The following CEACAM5 variants were observed in gnomAD, a reference collection of about 807,000 sequenced individuals.
The protein encoded by CEACAM5 is cell adhesion molecule CEACAM5.
CEACAM5 carries 52 observed loss-of-function variants against 63.0 expected under a neutral mutation model. The ratio of observed to expected loss-of-function variants is 0.83; its 90% confidence interval spans 0.66 to 1.04. The LOEUF (loss-of-function observed/expected upper bound fraction) is 1.04. CEACAM5 is among the 50% of genes least tolerant of loss of function. CEACAM5 has a pLI of 0.00. For missense variants in CEACAM5, 790 were observed against 864.8 expected (o/e 0.91, Z 1.08); for synonymous variants, 357 against 351.3 (o/e 1.02, Z -0.18).
chr19:41,712,139 A>G (rs929032000), intron 2 of CEACAM5, among the ~76,000 whole-genome samples: 13 of 152,132 alleles, frequency 8.5e-5, no homozygotes, highest in Non-Finnish European at 1.9e-4. Context: ...GCAGTCCCCA[A>G]AGCCCGCATG....
chr19:41,717,062 T>C (rs16975545), intron 4 of CEACAM5, among the ~76,000 whole-genome samples: 2,402 of 152,276 alleles, frequency 0.016, 64 homozygotes, highest in African/African-American at 0.054. Context: ...CAAACACAAC[T>C]TGGCTGGGTG....
intron 2 of CEACAM5, among the ~76,000 whole-genome samples, chr19:41,712,361 C>A (rs528189408): frequency 3.5e-4 from 53 of 152,330 alleles, no homozygotes; most frequent in African/African-American, 1.2e-3. Context: ...CAGCCACTGG[C>A]GTCTCACTTA....
Position 41,717,782 on chromosome 19 carries a change from C to T in CEACAM5, c.1237+49C>T, listed in dbSNP as rs181253212. The T allele has an allele frequency of 1.1e-4, 177 of 1,598,718 alleles. 2 individuals are homozygous for T. In the Admixed American group the frequency reaches 2.8e-3, roughly 25 times the overall value. On this transcript the variant is annotated intron_variant, in intron 5 of 9. Coordinates refer to ENST00000221992, the MANE Select transcript of CEACAM5 (RefSeq NM_004363.6). ...GGCTCAGGCTGCCAGCCCAAATCCA[C>T]ATAGCCAAAGTCCAGGCCTCTCAGT...
Position 41,718,142 on chromosome 19 carries a change from C to T in CEACAM5, c.1252C>T (p.Pro418Ser), listed in dbSNP as rs1223468320. Residue 418 changes from proline to serine, a missense_variant, in exon 6 of 10, where the codon CCC becomes TCC. Pro to Ser is a moderately conservative substitution (Grantham distance 74, BLOSUM62 -1). Transcript: ENST00000221992. Reference sequence around the variant, plus strand: ...CTTTGCTCCAGATGGCCCAGACGACCCCACCATTTCCCCCTCATACACCTA... The same window carrying T: ...CTTTGCTCCAGATGGCCCAGACGACTCCACCATTTCCCCCTCATACACCTA... ...ILNVLYGPDDPTISPSYTYYR... is the reference protein window; with the variant it reads ...ILNVLYGPDDSTISPSYTYYR... 3 of 1,614,046 alleles carry T rather than the reference C, an allele frequency of 1.9e-6. No individual in the cohort carries two copies. Among genetic ancestry groups the T allele is most frequent in the African/African-American group, 2.7e-5 (2 of 74,904 alleles).
At chr19:41,723,190 G>A (rs569469959) in intron 8 of CEACAM5, among the ~76,000 whole-genome samples, 17 of 152,188 alleles carry the variant, frequency 1.1e-4, no homozygotes, top group African/African-American at 4.1e-4. Flanking sequence ...GGGATTACAG[G>A]CATGAGCCAC....
At chr19:41,713,913 G>T (rs782685484) in intron 2 of CEACAM5, among the ~76,000 whole-genome samples, 5 of 152,164 alleles carry the variant, frequency 3.3e-5, no homozygotes, top group Non-Finnish European at 7.3e-5. Context: ...GGGGAGAAGG[G>T]ACATTAAAGA....
rs201069007 is a variant in CEACAM5 at position 41,719,985 on chromosome 19, G to T, written c.1548G>T (p.Lys516Asn). Residue 516 changes from lysine to asparagine, a missense_variant, in exon 7 of 10, where the codon AAG becomes AAT. By Grantham distance (94) the Lys-to-Asn change is moderately conservative. Transcript: ENST00000221992. ...SSNNSKPVED[K>N]DAVAFTCEPE... is the part of the protein sequence containing the mutation. Reference sequence around the variant, plus strand: ...ACAACTCCAAACCCGTGGAGGACAAGGATGCTGTGGCCTTCACCTGTGAAC... The same window carrying T: ...ACAACTCCAAACCCGTGGAGGACAATGATGCTGTGGCCTTCACCTGTGAAC... 2.5e-6 allele frequency: 4 copies of T among 1,614,238 alleles called. No individual in the cohort carries two copies. In the South Asian group the frequency reaches 4.4e-5, roughly 18 times the overall value.
In CEACAM5 at chr19:41,715,650, A is replaced by C; in HGVS notation, c.704A>C (p.Tyr235Ser). ...TGTGGCTTTATTTTGTTTGCTCCAG[A>C]TGGCCCGGATGCCCCCACCATTTCC... The part of the protein sequence containing the change: ...RSDSVILNVL[Y>S]GPDAPTISPL... Residue 235 changes from tyrosine to serine, a missense_variant and splice_region_variant, in exon 4 of 10, where the codon TAT becomes TCT. Coordinates refer to ENST00000221992, the MANE Select transcript of CEACAM5 (RefSeq NM_004363.6). 6.2e-7 allele frequency: 1 copy of C among 1,614,124 alleles called. No individual in the cohort carries two copies. Among genetic ancestry groups the C allele is most frequent in the Admixed American group, 1.7e-5 (1 of 60,020 alleles).
intron 9 of CEACAM5, 53 bp downstream of exon 9, chr19:41,727,405 T>A: frequency 1.1e-6 from 1 of 899,252 alleles, no homozygotes. Context: ...CTGACTGCCA[T>A]GCTTGGGAGA....
At chr19:41,718,514 G>C (rs118084441) in intron 6 of CEACAM5, 132 bp downstream of exon 6, 51 of 887,660 alleles carry the variant, frequency 5.7e-5, no homozygotes, top group Non-Finnish European at 8.8e-5. Context: ...ATTCAATCCT[G>C]AGCACTCCCA....
chr19:41,715,607 C>T, intron 3 of CEACAM5, 43 bp from the exon 4 acceptor site: 1 of 1,609,958 alleles, frequency 6.2e-7, no homozygotes, highest in Non-Finnish European at 8.5e-7. Context: ...ACTTCCACTT[C>T]CCTCTGACAA....
intron 2 of CEACAM5, among the ~76,000 whole-genome samples, chr19:41,710,930 T>A (rs938710315): frequency 6.6e-6 from 1 of 152,174 alleles, no homozygotes; most frequent in Non-Finnish European, 1.5e-5. Context: ...TCCTACTTAT[T>A]GAAAGGAAAT....
rs782088161 is a variant in CEACAM5 at position 41,715,814 on chromosome 19, A to C, written c.868A>C (p.Thr290Pro). The change falls in exon 4 of 10, where the codon ACT (threonine) becomes CCT (proline). Residue 290 changes from threonine (T) to proline (P), a missense_variant. Physicochemically the swap from Thr to Pro is conservative, Grantham distance 38 (BLOSUM62 -1). Transcript: ENST00000221992. ...CCAAGAGCTCTTTATCCCCAACATCACTGTGAATAATAGTGGATCCTATAC... is the reference window on the plus strand; with the variant it reads ...CCAAGAGCTCTTTATCCCCAACATCCCTGTGAATAATAGTGGATCCTATAC... ...STQELFIPNI[T>P]VNNSGSYTCQ... 65 of 1,613,906 alleles carry C rather than the reference A, an allele frequency of 4.0e-5. No homozygotes were observed. The highest frequency in any genetic ancestry group is 5.2e-5 in the Non-Finnish European group (61 of 1,180,008).
chr19:41,709,967 G>A lies in CEACAM5; in HGVS notation c.352G>A (p.Gly118Arg). 6.2e-7 allele frequency: 1 copy of A among 1,613,926 alleles called. No homozygotes were observed. Among genetic ancestry groups the A allele is most frequent in the African/African-American group, 1.3e-5 (1 of 74,990 alleles). The change falls in exon 2 of 10, where the codon GGA becomes AGA. Residue 118 changes from glycine to arginine, a missense_variant. By Grantham distance (125) the Gly-to-Arg change is moderately radical (BLOSUM62 -2). Coordinates refer to ENST00000221992, the MANE Select transcript of CEACAM5 (RefSeq NM_004363.6). ...LIQNIIQNDT[G>R]FYTLHVIKSD... Reference sequence around the variant, plus strand: ...CCAGAACATCATCCAGAATGACACAGGATTCTACACCCTACACGTCATAAA... The same window carrying A: ...CCAGAACATCATCCAGAATGACACAAGATTCTACACCCTACACGTCATAAA...
At chr19:41,713,078 G>A (rs367985058) in intron 2 of CEACAM5, among the ~76,000 whole-genome samples, 5 of 152,276 alleles carry the variant, frequency 3.3e-5, no homozygotes, top group South Asian at 2.1e-4. Context: ...AGGCCAAGGC[G>A]GGAAGATCAC....
chr19:41,711,274 T>G (rs1052369661), intron 2 of CEACAM5, among the ~76,000 whole-genome samples: 13 of 152,164 alleles, frequency 8.5e-5, no homozygotes, highest in African/African-American at 3.1e-4. Context: ...CCCCCTCACA[T>G]GACCTCAAAT....
Position 41,727,499 on chromosome 19 carries a change from A to G in CEACAM5, c.*36+147A>G, listed in dbSNP as rs1005189970. Reference sequence around the variant, plus strand: ...CCTGCTTCTCAGCACTAATTCCTGCAGGTCTCTTCTTCCCTGGTCTTCATG... The same window carrying G: ...CCTGCTTCTCAGCACTAATTCCTGCGGGTCTCTTCTTCCCTGGTCTTCATG... On this transcript the variant is annotated intron_variant, in intron 9 of 9. Transcript: ENST00000221992. 34 of 631,000 alleles carry G rather than the reference A, an allele frequency of 5.4e-5. No individual in the cohort carries two copies. The African/African-American group carries it at 5.5e-4, about 10-fold the overall frequency. The allele number at this position is 631,000 out of a possible 1,614,324, so 39.1% of individuals were successfully genotyped here.
intron 2 of CEACAM5, among the ~76,000 whole-genome samples, chr19:41,711,066 T>C (rs569613897): frequency 1.3e-5 from 2 of 152,134 alleles, no homozygotes; most frequent in Admixed American, 6.5e-5. Context: ...TGGGGCTGTT[T>C]GTTGTTAGGC....
intron 2 of CEACAM5, among the ~76,000 whole-genome samples, chr19:41,713,230 G>A (rs372043984): frequency 1.6e-4 from 24 of 152,194 alleles, no homozygotes; most frequent in African/African-American, 5.1e-4. Context: ...GCTTGAACCC[G>A]GGAGGTGGAG....
Sources: gnomAD v4.1 joint callset for allele counts (sites outside exome capture counted in the v4.1 genomes callset) on GRCh38, gnomAD v4.1.1 for gene constraint, MANE v1.5 for transcripts, NCBI Gene and HGNC (gene_info 2026-07-23, HGNC 2026-07-21) for gene names.